Variants in SOS2 observed in about 807,000 individuals in gnomAD.
SOS2 encodes son of sevenless homolog 2.
A neutral mutation model predicts 148.2 loss-of-function variants in SOS2; 65 were observed. That is an observed-to-expected ratio of 0.44 (90% confidence interval 0.36 to 0.54). The LOEUF is 0.54. SOS2 is among the 20% of genes least tolerant of loss of function. The pLI, the probability that SOS2 is intolerant of heterozygous loss-of-function variation, is 0.00. For synonymous variants in SOS2, 539 were observed against 537.1 expected (o/e 1.00, Z -0.05); for missense variants, 1,341 against 1,590.2 (o/e 0.84, Z 2.67).
intron 8 of SOS2, among the ~76,000 whole-genome samples, chr14:50,170,930 T>G (rs191869353): frequency 6.6e-6 from 1 of 150,454 alleles, no homozygotes; most frequent in Non-Finnish European, 1.5e-5. Context: ...CTGGCCAACA[T>G]AGTGAAACCC....
intron 18 of SOS2, among the ~76,000 whole-genome samples, chr14:50,135,232 C>T (rs997116374): frequency 7.3e-5 from 11 of 151,672 alleles, no homozygotes; most frequent in Admixed American, 2.0e-4. Flanking sequence ...AGGCTGAGGC[C>T]GGGGGACTGC....
chr14:50,207,900 CAA>C (rs1400848534), intron 1 of SOS2, among the ~76,000 whole-genome samples: 14 of 81,292 alleles, frequency 1.7e-4, no homozygotes, highest in Admixed American at 2.9e-4. Context: ...GACTCCATCT[CAA>C]AAAAAAAAAA....
At chr14:50,131,659 T>C (rs1023179713) in intron 19 of SOS2, among the ~76,000 whole-genome samples, 6 of 152,268 alleles carry the variant, frequency 3.9e-5, no homozygotes, top group Middle Eastern at 3.4e-3. Context: ...TCTGCTAAAA[T>C]TGAAGCAAGA....
At chr14:50,203,275 G>C (rs1284047387) in intron 2 of SOS2, among the ~76,000 whole-genome samples, 2 of 152,130 alleles carry the variant, frequency 1.3e-5, no homozygotes, top group Non-Finnish European at 2.9e-5. Flanking sequence ...GGCTGAGGCA[G>C]GAGAATAGCT....
At chr14:50,215,329 T>A in intron 1 of SOS2, 2 of 1,212,068 alleles carry the variant, frequency 1.7e-6, no homozygotes, top group Non-Finnish European at 2.1e-6. Flanking sequence ...TAATTTCAAA[T>A]ATGAAAACAG....
intron 1 of SOS2, among the ~76,000 whole-genome samples, chr14:50,205,397 T>C (rs760033739): frequency 2.6e-5 from 4 of 152,098 alleles, no homozygotes; most frequent in Non-Finnish European, 5.9e-5. Context: ...TCAGAAGCAC[T>C]AACACAAAAA....
chr14:50,204,244 G>C (rs778903324), intron 2 of SOS2, 40 bp downstream of exon 2: 1 of 1,365,046 alleles, frequency 7.3e-7, no homozygotes, highest in Non-Finnish European at 1.0e-6. Flanking sequence ...AATTCATACA[G>C]TGGTTGAGTG....
chr14:50,124,397 G>A (rs942240614), intron 21 of SOS2, among the ~76,000 whole-genome samples: 3 of 152,170 alleles, frequency 2.0e-5, no homozygotes, highest in Admixed American at 1.3e-4. Context: ...TGGGTATTTT[G>A]TATAAATAAA....
At chr14:50,124,288 G>C (rs1883617903) in intron 21 of SOS2, among the ~76,000 whole-genome samples, 3 of 152,144 alleles carry the variant, frequency 2.0e-5, no homozygotes, top group Admixed American at 2.0e-4. Flanking sequence ...AAGGTGAGGA[G>C]GAACCAGCAA....
At chr14:50,210,760 T>A (rs910665232) in intron 1 of SOS2, among the ~76,000 whole-genome samples, 1 of 151,866 alleles carries the variant, frequency 6.6e-6, no homozygotes, top group African/African-American at 2.4e-5. Context: ...CACAAAAGAA[T>A]AAATTCAAAT....
chr14:50,130,686 G>A lies in SOS2; in HGVS notation c.3152C>T (p.Thr1051Ile), dbSNP rs1209560869. 3 of 1,613,838 alleles carry A rather than the reference G, an allele frequency of 1.9e-6. No individual in the cohort carries two copies. The highest frequency in any genetic ancestry group is 1.6e-4 in the Middle Eastern group (1 of 6,062). The change falls in exon 20 of 23, where the codon ACT becomes ATT. Residue 1051 changes from threonine to isoleucine, a missense_variant. By Grantham distance (89) the Thr-to-Ile change is moderately conservative. Around this residue, in one of 4 missense-constraint regions of SOS2, gnomAD observed 354 missense variants for 347.7 expected, o/e 1.02. Transcript: ENST00000216373. ...TAATGGTGTTGGGTGACCTCGTAAAGTACCTGAGGTAGAGCCATGTCGGCC... is the reference window on the plus strand; with the variant it reads ...TAATGGTGTTGGGTGACCTCGTAAAATACCTGAGGTAGAGCCATGTCGGCC... ...NTGRHGSTSG[T>I]LRGHPTPLER...
At chr14:50,218,495 C>G (rs1270922158) in intron 1 of SOS2, among the ~76,000 whole-genome samples, 1 of 151,804 alleles carries the variant, frequency 6.6e-6, no homozygotes, top group Non-Finnish European at 1.5e-5. Context: ...TGCACTCCAG[C>G]CTGGGCGACA....
At chr14:50,200,818 T>C (rs1457820899) in intron 3 of SOS2, 135 bp downstream of exon 3, 5 of 668,884 alleles carry the variant, frequency 7.5e-6, no homozygotes, top group Non-Finnish European at 1.0e-5. Flanking sequence ...GCGATGTGTA[T>C]GTACAAGCAT....
At chr14:50,198,948 GTTCA>G (rs1235635296) in intron 4 of SOS2, among the ~76,000 whole-genome samples, 1 of 152,202 alleles carries the variant, frequency 6.6e-6, no homozygotes, top group Admixed American at 6.6e-5. Flanking sequence ...GAGCTCAGGA[GTTCA>G]AGACCAGCCT....
intron 21 of SOS2, among the ~76,000 whole-genome samples, chr14:50,125,538 A>G (rs911151893): frequency 9.2e-5 from 14 of 152,236 alleles, no homozygotes; most frequent in Admixed American, 8.5e-4. Flanking sequence ...CAGGAAATAT[A>G]TGAAGCTGAA....
Position 50,138,415 on chromosome 14 carries a change from C to A in SOS2, c.2958+197G>T, listed in dbSNP as rs145761373. 0.029 allele frequency among the ~76,000 whole-genome samples: 4,367 copies of A among 152,220 alleles called. 90 individuals carry two copies. The highest frequency in any genetic ancestry group is 0.047 in the Non-Finnish European group (3,204 of 67,992). On this transcript the variant is annotated intron_variant, in intron 18 of 22. Coordinates refer to ENST00000216373, the MANE Select transcript of SOS2 (RefSeq NM_006939.4). ...ATCTCAAGCGATCCGCCCGCCTTGG[C>A]CTCCCAAAGTGCTGGGATTACAGGC...
chr14:50,216,375 A>T (rs943636011), intron 1 of SOS2, among the ~76,000 whole-genome samples: 1 of 152,008 alleles, frequency 6.6e-6, no homozygotes, highest in African/African-American at 2.4e-5. Flanking sequence ...GGGATTATGG[A>T]CGTGAGCCAC....
intron 11 of SOS2, among the ~76,000 whole-genome samples, chr14:50,157,927 T>C (rs982400654): frequency 1.3e-5 from 2 of 152,102 alleles, no homozygotes; most frequent in Non-Finnish European, 2.9e-5. Flanking sequence ...AATAAAGGAA[T>C]TGCTGATTTT....
At chr14:50,156,764 C>T (rs1335575278) in intron 12 of SOS2, 1 of 213,656 alleles carries the variant, frequency 4.7e-6, no homozygotes, top group Non-Finnish European at 9.2e-6. Context: ...ATATGTGATG[C>T]AAACATAGGA....
Sources: gnomAD v4.1 joint callset for allele counts (sites outside exome capture counted in the v4.1 genomes callset) on GRCh38, gnomAD v4.1.1 for gene constraint, gnomAD v4.1.1 regional missense constraint, MANE v1.5 for transcripts, NCBI Gene and HGNC (gene_info 2026-07-23, HGNC 2026-07-21) for gene names.